PITPNM3: variants seen among roughly 807,000 people sequenced by gnomAD.
The protein encoded by PITPNM3 is membrane-associated phosphatidylinositol transfer protein 3.
A neutral mutation model predicts 102.0 loss-of-function variants in PITPNM3; 26 were observed. That is an observed-to-expected ratio of 0.25 (90% confidence interval 0.19 to 0.35). PITPNM3 has a LOEUF of 0.35. Ranked by LOEUF, PITPNM3 falls within the 10% of genes least tolerant of loss-of-function variation. PITPNM3 has a pLI of 1.00. For synonymous variants in PITPNM3, 578 were observed against 558.6 expected (o/e 1.03, Z -0.49); for missense variants, 1,083 against 1,346.1 (o/e 0.80, Z 3.06).
At chr17:6,476,863 T>C (rs1327046087) in intron 9 of PITPNM3, among the ~76,000 whole-genome samples, 166 bp downstream of exon 9, 6 of 151,934 alleles carry the variant, frequency 3.9e-5, no homozygotes, top group Non-Finnish European at 8.8e-5. Flanking sequence ...TGCCGACGAG[T>C]GGCTGTGGTC....
chr17:6,551,465 T>A (rs953156311), intron 1 of PITPNM3, among the ~76,000 whole-genome samples: 1 of 152,146 alleles, frequency 6.6e-6, no homozygotes, highest in Non-Finnish European at 1.5e-5. Context: ...GTTTACCATC[T>A]CCTTGCAGGA....
At chr17:6,509,664 T>C (rs1378031668) in intron 3 of PITPNM3, among the ~76,000 whole-genome samples, 1 of 151,866 alleles carries the variant, frequency 6.6e-6, no homozygotes, top group Non-Finnish European at 1.5e-5. Flanking sequence ...TGCATGCTCC[T>C]CCCTGCTCAG....
At chr17:6,520,921 G>A (rs956437727) in intron 3 of PITPNM3, among the ~76,000 whole-genome samples, 35 of 152,288 alleles carry the variant, frequency 2.3e-4, no homozygotes, top group African/African-American at 7.9e-4. Context: ...CATATGTAGG[G>A]TACCTAGAGA....
chr17:6,548,588 T>C (rs959805463), intron 1 of PITPNM3, among the ~76,000 whole-genome samples: 32 of 151,930 alleles, frequency 2.1e-4, no homozygotes, highest in Admixed American at 2.0e-3. Flanking sequence ...CCCAGAACAA[T>C]CAGAAAAGGT....
intron 2 of PITPNM3, among the ~76,000 whole-genome samples, chr17:6,536,193 G>A (rs997480191): frequency 1.3e-5 from 2 of 152,152 alleles, no homozygotes; most frequent in African/African-American, 4.8e-5. Flanking sequence ...ATGGGAGGGA[G>A]AGGACAGAGA....
rs1448485894 is a variant in PITPNM3, at chr17:6,469,243, A to G, written c.1774-902T>C. On this transcript the variant is annotated intron_variant, in intron 13 of 19. Coordinates refer to ENST00000262483, the MANE Select transcript of PITPNM3 (RefSeq NM_031220.4). This position sits in a 1 kb window ranked among gnomAD's most constrained non-coding sequence, Gnocchi z 4.0. ...ATCTGGAATCCTGATGTCTTCTCTA[A>G]GTTCCAGACTCCTCTACTCCCCTTC... Among the ~76,000 whole-genome samples the G allele has an allele frequency of 6.6e-6, 1 of 152,068 alleles. No homozygotes were observed. Among genetic ancestry groups the G allele is most frequent in the African/African-American group, 2.4e-5 (1 of 41,388 alleles).
At chr17:6,522,966 G>A (rs1018958535) in intron 3 of PITPNM3, among the ~76,000 whole-genome samples, 2 of 152,040 alleles carry the variant, frequency 1.3e-5, no homozygotes, top group African/African-American at 4.8e-5. Context: ...AATGATTATT[G>A]AAATGAATGT....
At chr17:6,498,562 G>A (rs1906980963) in intron 4 of PITPNM3, among the ~76,000 whole-genome samples, 1 of 152,214 alleles carries the variant, frequency 6.6e-6, no homozygotes, top group South Asian at 2.1e-4. Flanking sequence ...CGGGAGGCAG[G>A]GAGGCAGGGA....
At chr17:6,525,787 C>A (rs1232707267) in intron 2 of PITPNM3, among the ~76,000 whole-genome samples, 18 of 152,220 alleles carry the variant, frequency 1.2e-4, no homozygotes, top group Non-Finnish European at 2.9e-5. Flanking sequence ...GAAGAAAGAG[C>A]AAAACCTTGT....
chr17:6,490,006 C>CAA (rs371040560), intron 4 of PITPNM3, among the ~76,000 whole-genome samples: 1 of 145,456 alleles, frequency 6.9e-6, no homozygotes, highest in African/African-American at 2.5e-5. Context: ...GACTCCATCT[C>CAA]AAAAAAAAAA....
intron 2 of PITPNM3, among the ~76,000 whole-genome samples, chr17:6,536,905 G>A (rs1909465920): frequency 6.6e-6 from 1 of 152,204 alleles, no homozygotes; most frequent in South Asian, 2.1e-4. Context: ...CTGTGGATCA[G>A]GACCCTGGTG....
Position 6,477,960 on chromosome 17 carries a change from G to A in PITPNM3, c.900+15C>T, listed in dbSNP as rs758443922. On this transcript the variant is annotated intron_variant, in intron 8 of 19. Transcript: ENST00000262483. ...ATGGGCATACCCCTCCCGCGGTCCTGTCCCCCGGCTGTACCTGGGTGCTGC... is the reference window on the plus strand; with the variant it reads ...ATGGGCATACCCCTCCCGCGGTCCTATCCCCCGGCTGTACCTGGGTGCTGC... 28 of 1,611,268 alleles carry A rather than the reference G, an allele frequency of 1.7e-5. No homozygotes were observed. The highest frequency in any genetic ancestry group is 2.3e-5 in the Non-Finnish European group (27 of 1,179,976).
chr17:6,482,985 C>G (rs534310619), intron 6 of PITPNM3, among the ~76,000 whole-genome samples: 81 of 151,562 alleles, frequency 5.3e-4, no homozygotes, highest in African/African-American at 1.9e-3. Flanking sequence ...CACTCTGTCT[C>G]CCAGGCTGGA....
At chr17:6,547,456 C>T (rs914408888) in intron 1 of PITPNM3, among the ~76,000 whole-genome samples, 8 of 152,188 alleles carry the variant, frequency 5.3e-5, no homozygotes, top group Admixed American at 4.6e-4. Context: ...CCCTATGTCC[C>T]GCCAGACTCT....
At position 6,468,207 on chromosome 17, in the gene PITPNM3, A is replaced by C; in HGVS notation, c.1890+18T>G. 6.2e-7 allele frequency: 1 copy of C among 1,609,850 alleles called. No homozygotes were observed. The highest frequency in any genetic ancestry group is 8.5e-7 in the Non-Finnish European group (1 of 1,177,572). On this transcript the variant is annotated intron_variant, in intron 14 of 19. Transcript: ENST00000262483. This position sits in a 1 kb window ranked among gnomAD's most constrained non-coding sequence, Gnocchi z 5.2. ...GAGGACACAGTCCCAGCCACATGCG[A>C]ACTGAGCATGCACGCACCCTCAGCT...
chr17:6,468,579 T>C lies in PITPNM3; in HGVS notation c.1774-238A>G, dbSNP rs1046331660. 5.1e-4 allele frequency among the ~76,000 whole-genome samples: 78 copies of C among 152,264 alleles called. No homozygotes were observed. Among genetic ancestry groups the C allele is most frequent in the African/African-American group, 1.8e-3 (76 of 41,558 alleles). Reference sequence around the variant, plus strand: ...CCTGAGAGAAGTCTCTGCCCCGCTGTGCCCAAACCTGGCAGCCACCTCTAT... The same window carrying C: ...CCTGAGAGAAGTCTCTGCCCCGCTGCGCCCAAACCTGGCAGCCACCTCTAT... On this transcript the variant is annotated intron_variant, in intron 13 of 19. Coordinates refer to ENST00000262483, the MANE Select transcript of PITPNM3 (RefSeq NM_031220.4). This position sits in a 1 kb window ranked among gnomAD's most constrained non-coding sequence, Gnocchi z 5.2.
At chr17:6,510,516 C>T (rs1907807590) in intron 3 of PITPNM3, among the ~76,000 whole-genome samples, 1 of 152,238 alleles carries the variant, frequency 6.6e-6, no homozygotes, top group African/African-American at 2.4e-5. Context: ...GTCACTGCCC[C>T]ACCCCCGTCT....
At chr17:6,525,591 C>G in intron 2 of PITPNM3, 128 bp from the exon 3 acceptor site, 2 of 734,000 alleles carry the variant, frequency 2.7e-6, no homozygotes, top group Admixed American at 4.0e-5. Context: ...CACCTCAACT[C>G]TTGAAGGTGT....
chr17:6,481,469 A>T (rs1244214165), intron 6 of PITPNM3: 1 of 152,286 alleles, frequency 6.6e-6, no homozygotes, highest in Non-Finnish European at 1.5e-5. Context: ...CTTCACAGCC[A>T]CCCTGAGAGG....
Sources: allele counts gnomAD v4.1 joint callset (sites outside exome capture counted in the v4.1 genomes callset), GRCh38; gene constraint gnomAD v4.1.1; non-coding constraint Gnocchi (gnomAD v3.1); transcripts MANE v1.5; gene names NCBI Gene and HGNC (gene_info 2026-07-23, HGNC 2026-07-21).